UPF1: variants seen among roughly 807,000 people sequenced by gnomAD.
UPF1 encodes regulator of nonsense transcripts 1.
In UPF1, 9 loss-of-function variants were observed where a neutral mutation model predicts 129.2. The observed-to-expected ratio is 0.07, with a 90% CI of 0.04 to 0.12. The LOEUF is 0.12. Among genes scored for constraint, UPF1 ranks in the 10% least tolerant of loss-of-function variants. UPF1 has a pLI of 1.00. For synonymous variants in UPF1, 649 were observed against 644.9 expected, an observed-to-expected ratio of 1.01 and a Z score of -0.10; for missense variants, 788 against 1,525.3, an observed-to-expected ratio of 0.52 and a Z score of 8.05.
intron 2 of UPF1, 76 bp downstream of exon 2, chr19:18,846,195 T>G: frequency 6.3e-7 from 1 of 1,585,262 alleles, no homozygotes; most frequent in South Asian, 1.1e-5. Context: ...GACACTCACC[T>G]CCCAGGTACA....
intron 15 of UPF1, chr19:18,859,654 C>T (rs1004859398): frequency 4.6e-5 from 7 of 152,292 alleles, no homozygotes; most frequent in Non-Finnish European, 1.0e-4. Context: ...TGCAAAAACA[C>T]CGGTTTTCTC....
chr19:18,854,961 G>A lies in UPF1; in HGVS notation c.1348G>A (p.Val450Met), dbSNP rs747552666. Reference sequence around the variant, plus strand: ...CTACCACAAGCTGTTGGGCCACGAGGTGGAGGACGTAATCATCAAGTGCCA... The same window carrying A: ...CTACCACAAGCTGTTGGGCCACGAGATGGAGGACGTAATCATCAAGTGCCA... Reference protein sequence around the residue: ...YIYHKLLGHEVEDVIIKCQLP... With the variant: ...YIYHKLLGHEMEDVIIKCQLP... Residue 450 changes from valine to methionine, a missense_variant, in exon 10 of 24, where the codon GTG (valine) becomes ATG (methionine). Physicochemically the swap from Val to Met is conservative, Grantham distance 21. Around this residue, in one of 6 missense-constraint regions of UPF1, gnomAD observed 227 missense variants for 517.9 expected, o/e 0.44. Coordinates refer to ENST00000262803, the MANE Select transcript of UPF1 (RefSeq NM_002911.4). 1 of 1,614,242 alleles carries A rather than the reference G, an allele frequency of 6.2e-7. No individual in the cohort carries two copies. The highest frequency in any genetic ancestry group is 8.5e-7 in the Non-Finnish European group (1 of 1,180,050).
Position 18,865,841 on chromosome 19 carries a change from C to T in UPF1, c.3237+63C>T, listed in dbSNP as rs2055838005. On this transcript the variant is annotated intron_variant, in intron 22 of 23. Transcript: ENST00000262803. The surrounding 1 kb of genome is among the most constrained non-coding windows in gnomAD (Gnocchi z 6.1). Reference sequence around the variant, plus strand: ...GGTGGGGCTATGCACCTGAAACATTCCCTCTGAAGAGCCCCAGAGAGCTGG... The same window carrying T: ...GGTGGGGCTATGCACCTGAAACATTTCCTCTGAAGAGCCCCAGAGAGCTGG... The T allele has an allele frequency of 7.5e-6, 12 of 1,600,346 alleles. 1 individual carries two copies. The South Asian group carries it at 1.3e-4, about 18-fold the overall frequency.
rs140415687 is a variant in UPF1, at chr19:18,851,884, C to T, written c.811-251C>T. Reference sequence around the variant, plus strand: ...GGTTCACCCAAGTACCGGAACCCCGCTGGGGTGCGGAGCAGCAGCTGAGGC... The same window carrying T: ...GGTTCACCCAAGTACCGGAACCCCGTTGGGGTGCGGAGCAGCAGCTGAGGC... On this transcript the variant is annotated intron_variant, in intron 5 of 23. Coordinates refer to ENST00000262803, the MANE Select transcript of UPF1 (RefSeq NM_002911.4). This position sits in a 1 kb window ranked among gnomAD's most constrained non-coding sequence, Gnocchi z 4.2. Among the ~76,000 whole-genome samples the T allele has an allele frequency of 3.0e-3, 462 of 152,370 alleles. 2 individuals carry two copies. The highest frequency in any genetic ancestry group is 0.01 in the African/African-American group (427 of 41,592).
chr19:18,853,176 C>G lies in UPF1; in HGVS notation c.1058-76C>G. On this transcript the variant is annotated intron_variant, in intron 7 of 23. Transcript: ENST00000262803. The surrounding 1 kb of genome is among the most constrained non-coding windows in gnomAD (Gnocchi z 4.4). ...CCTAGTTCCACCCTTGTAAAGTGCCCCTTAATTTGAACTCTCCCTGGTGGA... is the reference window on the plus strand; with the variant it reads ...CCTAGTTCCACCCTTGTAAAGTGCCGCTTAATTTGAACTCTCCCTGGTGGA... 1 of 1,593,178 alleles carries G rather than the reference C, an allele frequency of 6.3e-7. No homozygotes were observed. Among genetic ancestry groups the G allele is most frequent in the Non-Finnish European group, 8.6e-7 (1 of 1,165,680 alleles).
chr19:18,866,460 G>C, intron 23 of UPF1, 61 bp from the exon 24 acceptor site: 1 of 357,624 alleles, frequency 2.8e-6, no homozygotes, highest in South Asian at 5.2e-5. Flanking sequence ...CTGTGTGCTG[G>C]GTACCTGTGG....
rs551490068 is a variant in UPF1, at chr19:18,834,338, C to T, written c.231+1898C>T. ...ATCATTTTCTTGTGAATCCTTTTAA[C>T]TGTAGCGAGCATAAAACAGCAAACC... On this transcript the variant is annotated intron_variant, in intron 1 of 23. Coordinates refer to ENST00000262803, the MANE Select transcript of UPF1 (RefSeq NM_002911.4). Among the ~76,000 whole-genome samples the T allele has an allele frequency of 1.5e-4, 23 of 152,276 alleles. No individual in the cohort carries two copies. In the South Asian group the frequency reaches 4.4e-3, roughly 29 times the overall value.
At chr19:18,842,159 A>G (rs1460801499) in intron 1 of UPF1, among the ~76,000 whole-genome samples, 5 of 152,170 alleles carry the variant, frequency 3.3e-5, no homozygotes, top group Non-Finnish European at 5.9e-5. Context: ...TATGTGAAAG[A>G]TGGTCAACTC....
In UPF1 at chr19:18,865,752, G is replaced by A. The variant is rs774025349; in HGVS notation, c.3211G>A (p.Gly1071Ser). 6.2e-6 allele frequency: 10 copies of A among 1,612,982 alleles called. No homozygotes were observed. The highest frequency in any genetic ancestry group is 1.3e-5 in the African/African-American group (1 of 74,912). ...CCAGCCTTCCCAGATGAGCCAGCCCGGCCTCTCCCAGCCGGAGCTGTCCCA... is the reference window on the plus strand; with the variant it reads ...CCAGCCTTCCCAGATGAGCCAGCCCAGCCTCTCCCAGCCGGAGCTGTCCCA... Reference protein sequence around the residue: ...MSQPSQMSQPGLSQPELSQDS... With the variant: ...MSQPSQMSQPSLSQPELSQDS... The change falls in exon 22 of 24, where the codon GGC becomes AGC. Residue 1071 changes from glycine (G) to serine (S), a missense_variant. Physicochemically the swap from Gly to Ser is moderately conservative, Grantham distance 56 (BLOSUM62 0). Transcript: ENST00000262803. This position sits in a 1 kb window ranked among gnomAD's most constrained non-coding sequence, Gnocchi z 6.1.
intron 20 of UPF1, among the ~76,000 whole-genome samples, chr19:18,864,593 T>C (rs776534780): frequency 4.6e-5 from 7 of 152,162 alleles, no homozygotes; most frequent in Non-Finnish European, 7.3e-5. Flanking sequence ...TCATTTATTT[T>C]CTTTTTTTTG....
intron 23 of UPF1, 93 bp from the exon 24 acceptor site, chr19:18,866,428 G>A: frequency 4.4e-6 from 2 of 458,660 alleles, no homozygotes; most frequent in Non-Finnish European, 7.7e-6. Context: ...GGGGAGGGCA[G>A]CTCGGGCTCT....
chr19:18,855,564 G>C, intron 11 of UPF1: 1 of 516,430 alleles, frequency 1.9e-6, no homozygotes, highest in Non-Finnish European at 3.5e-6. Flanking sequence ...GCTTGCGGTG[G>C]GTAGAGCTGT....
chr19:18,856,408 C>T lies in UPF1; in HGVS notation c.1824+108C>T, dbSNP rs1293485586. On this transcript the variant is annotated intron_variant, in intron 13 of 23. Coordinates refer to ENST00000262803, the MANE Select transcript of UPF1 (RefSeq NM_002911.4). ...TGTTGCTTTGCTTCTGGAAAGAGAA[C>T]TTAGATGCTCTCTACTTGGCCTCTC... 5 of 1,062,164 alleles carry T rather than the reference C, an allele frequency of 4.7e-6. No individual in the cohort carries two copies. In the Admixed American group the frequency reaches 7.8e-5, roughly 17 times the overall value. 65.8% of individuals were successfully genotyped at this position (1,062,164 alleles called of 1,614,324 possible).
At chr19:18,833,894 A>G (rs1283807665) in intron 1 of UPF1, among the ~76,000 whole-genome samples, 1 of 152,182 alleles carries the variant, frequency 6.6e-6, no homozygotes, top group Non-Finnish European at 1.5e-5. Flanking sequence ...CCCCTAATGG[A>G]AGCAAAAAAC....
intron 14 of UPF1, 31 bp from the exon 15 acceptor site, chr19:18,857,286 GCTT>G: frequency 6.3e-7 from 1 of 1,590,690 alleles, no homozygotes; most frequent in Non-Finnish European, 8.6e-7. Flanking sequence ...TCACACCTGA[GCTT>G]CTTGACTTGT....
Position 18,864,262 on chromosome 19 carries a change from C to CA in UPF1, c.2857+12dup. The CA allele has an allele frequency of 6.2e-7, 1 of 1,607,646 alleles. No homozygotes were observed. The highest frequency in any genetic ancestry group is 8.5e-7 in the Non-Finnish European group (1 of 1,175,082). On this transcript the variant is annotated intron_variant, in intron 20 of 23. Coordinates refer to ENST00000262803, the MANE Select transcript of UPF1 (RefSeq NM_002911.4). ...ATCGGAGCAGCCAGGGTGAGTCGCT[C>CA]AGCAGGGGACCTGGCCGACCCCTTG...
At position 18,852,188 on chromosome 19, in the gene UPF1, G is replaced by A; in HGVS notation, c.864G>A (p.Glu288=). Residue 288 remains glutamate, a synonymous_variant, in exon 6 of 24, where the codon GAG becomes GAA. Coordinates refer to ENST00000262803, the MANE Select transcript of UPF1 (RefSeq NM_002911.4). ...TGGAGAAGCCGGGGGTGGACGAGGA[G>A]CCGCAGCATGTCCTCCTGCGGTACG... ...EDLEKPGVDE[E]PQHVLLRYED... is the part of the protein sequence containing the mutation. 1 of 1,613,490 alleles carries A rather than the reference G, an allele frequency of 6.2e-7. No individual in the cohort carries two copies. Among genetic ancestry groups the A allele is most frequent in the Non-Finnish European group, 8.5e-7 (1 of 1,179,616 alleles).
At chr19:18,861,613 G>A (rs2055780235) in intron 17 of UPF1, among the ~76,000 whole-genome samples, 1 of 152,160 alleles carries the variant, frequency 6.6e-6, no homozygotes, top group Non-Finnish European at 1.5e-5. Context: ...CAGGGAAGTC[G>A]CTTGAGGCTA....
intron 15 of UPF1, among the ~76,000 whole-genome samples, chr19:18,858,376 G>T (rs1465095462): frequency 1.3e-5 from 2 of 152,078 alleles, no homozygotes; most frequent in Non-Finnish European, 2.9e-5. Context: ...AGGTCTGTGG[G>T]GGTGACAGAT....
Sources: gnomAD v4.1 joint callset for allele counts (sites outside exome capture counted in the v4.1 genomes callset) on GRCh38, gnomAD v4.1.1 for gene constraint, gnomAD v4.1.1 regional missense constraint, Gnocchi (gnomAD v3.1) non-coding constraint, MANE v1.5 for transcripts, NCBI Gene and HGNC (gene_info 2026-07-23, HGNC 2026-07-21) for gene names.